The following ITGA4 variants were observed in gnomAD, a reference collection of about 807,000 sequenced individuals.
ITGA4 encodes integrin subunit alpha 4.
In ITGA4, 63 loss-of-function variants were observed where a neutral mutation model predicts 133.6. That is an observed-to-expected ratio of 0.47 (90% CI 0.38 to 0.58). The LOEUF (loss-of-function observed/expected upper bound fraction) is 0.58, where lower values mean the gene tolerates loss of function less well. Among genes scored for constraint, ITGA4 ranks in the 20% least tolerant of loss-of-function variants. ITGA4 has a pLI of 0.00. For synonymous variants in ITGA4, 483 were observed against 438.0 expected (o/e 1.10, Z -1.28); for missense variants, 1,076 against 1,252.7 (o/e 0.86, Z 2.13).
chr2:181,480,453 A>C (rs986607291), intron 6 of ITGA4, among the ~76,000 whole-genome samples, 187 bp downstream of exon 6: 1 of 152,116 alleles, frequency 6.6e-6, no homozygotes, highest in African/African-American at 2.4e-5. Context: ...AGTATTTTAC[A>C]TTTACACATG....
At position 181,523,255 on chromosome 2, in the gene ITGA4, C is replaced by A; in HGVS notation, c.2074-182C>A. ...ACATATATATACACATACATATATA[C>A]ACACATGCACACATATTTATATCAT... On this transcript the variant is annotated intron_variant, in intron 18 of 27. Coordinates refer to ENST00000397033, the MANE Select transcript of ITGA4 (RefSeq NM_000885.6). The surrounding 1 kb of genome is among the most constrained non-coding windows in gnomAD (Gnocchi z 4.2). 1 of 502,110 alleles carries A rather than the reference C, an allele frequency of 2.0e-6. No homozygotes were observed. 31.1% of individuals were successfully genotyped at this position (502,110 alleles called of 1,614,324 possible).
chr2:181,525,330 G>T, intron 21 of ITGA4, 39 bp downstream of exon 21: 1 of 1,079,154 alleles, frequency 9.3e-7, no homozygotes, highest in South Asian at 1.4e-5. Flanking sequence ...ATTTAGAGCT[G>T]ATTTACAGTT....
Position 181,536,764 on chromosome 2 carries a change from ATAC to A in ITGA4, c.*1238_*1240del. 4.0e-6 allele frequency: 1 copy of A among 248,636 alleles called. No homozygotes were observed. The highest frequency in any genetic ancestry group is 8.1e-6 in the Non-Finnish European group (1 of 123,710). 15.4% of individuals were successfully genotyped at this position (248,636 alleles called of 1,614,324 possible). On this transcript the variant is annotated 3_prime_UTR_variant, in exon 28 of 28. Transcript: ENST00000397033. ...TCTGGATTTTAAAAAATTTCTTTAAATACAATCATTTTTGTAATATTTATTTTA... is the reference window on the plus strand; with the variant it reads ...TCTGGATTTTAAAAAATTTCTTTAAAAATCATTTTTGTAATATTTATTTTA...
chr2:181,468,143 G>A (rs368040664), intron 2 of ITGA4, among the ~76,000 whole-genome samples: 5 of 152,130 alleles, frequency 3.3e-5, no homozygotes, highest in African/African-American at 1.2e-4. Flanking sequence ...AGAAACCCTC[G>A]GAGATAGGCA....
chr2:181,535,595 G>T lies in ITGA4; in HGVS notation c.*68G>T. 6.6e-7 allele frequency: 1 copy of T among 1,504,518 alleles called. No individual in the cohort carries two copies. The highest frequency in any genetic ancestry group is 8.9e-7 in the Non-Finnish European group (1 of 1,127,354). 93.2% of individuals were successfully genotyped at this position (1,504,518 alleles called of 1,614,324 possible). A position where few individuals can be genotyped will look rare whatever the true frequency, so the allele number is the denominator to read the frequency against. ...GTAGTAAAGAAATTTAAAAGACACT[G>T]TTTACAAGAAAAAATGAATTTTGTT... On this transcript the variant is annotated 3_prime_UTR_variant, in exon 28 of 28. Transcript: ENST00000397033.
chr2:181,461,175 A>G (rs971427986), intron 2 of ITGA4, among the ~76,000 whole-genome samples: 1 of 148,374 alleles, frequency 6.7e-6, no homozygotes, highest in Admixed American at 6.8e-5. Context: ...TATTCATGCC[A>G]TAAGCAGAAG....
intron 2 of ITGA4, among the ~76,000 whole-genome samples, chr2:181,471,775 G>A (rs1685557980): frequency 1.3e-5 from 2 of 152,054 alleles, no homozygotes; most frequent in African/African-American, 4.8e-5. Flanking sequence ...CCACATCACT[G>A]GCTTCCTGGG....
chr2:181,529,774 C>G (rs1033219053), intron 23 of ITGA4, 126 bp downstream of exon 23: 7 of 579,528 alleles, frequency 1.2e-5, no homozygotes, highest in Middle Eastern at 3.2e-4. Flanking sequence ...CAGTCACACT[C>G]TAAGCTATGA....
chr2:181,481,526 G>A (rs1156331168), intron 6 of ITGA4, 72 bp from the exon 7 acceptor site: 12 of 633,892 alleles, frequency 1.9e-5, no homozygotes. Context: ...TTAATTTTAT[G>A]ATCTATTTTA....
chr2:181,458,802 C>T (rs1347320286), intron 2 of ITGA4: 1 of 157,314 alleles, frequency 6.4e-6, no homozygotes, highest in East Asian at 1.8e-4. Context: ...GATAGTTTTA[C>T]TTACAATATA....
rs928954386 is a variant in ITGA4, at chr2:181,538,896, A to C, written c.*3369A>C. On this transcript the variant is annotated 3_prime_UTR_variant, in exon 28 of 28. Coordinates refer to ENST00000397033, the MANE Select transcript of ITGA4 (RefSeq NM_000885.6). ...TAACCAAAGAAAATGCCTTGGGTCT[A>C]CATAACAGTTGAATAAATGTAAAGT... Among the ~76,000 whole-genome samples the C allele has an allele frequency of 6.6e-6, 1 of 152,222 alleles. No homozygotes were observed. The highest frequency in any genetic ancestry group is 2.4e-5 in the African/African-American group (1 of 41,472).
intron 20 of ITGA4, 96 bp from the exon 21 acceptor site, chr2:181,525,106 C>A: frequency 1.6e-6 from 1 of 639,034 alleles, no homozygotes; most frequent in Non-Finnish European, 2.7e-6. Flanking sequence ...TTTAAGCAAA[C>A]CTCTGAGTAT....
Position 181,535,589 on chromosome 2 carries a change from G to A in ITGA4, c.*62G>A. On this transcript the variant is annotated 3_prime_UTR_variant, in exon 28 of 28. Transcript: ENST00000397033. ...CAGGTTGTAGTAAAGAAATTTAAAA[G>A]ACACTGTTTACAAGAAAAAATGAAT... 2.0e-6 allele frequency: 3 copies of A among 1,528,784 alleles called. No individual in the cohort carries two copies. The highest frequency in any genetic ancestry group is 2.6e-6 in the Non-Finnish European group (3 of 1,140,844). The allele number at this position is 1,528,784 out of a possible 1,614,324, so 94.7% of individuals were successfully genotyped here. A position where few individuals can be genotyped will look rare whatever the true frequency, so the allele number is the denominator to read the frequency against.
At chr2:181,511,218 A>C (rs979155901) in intron 16 of ITGA4, among the ~76,000 whole-genome samples, 1 of 151,638 alleles carries the variant, frequency 6.6e-6, no homozygotes, top group African/African-American at 2.4e-5. Context: ...TACTTATTTA[A>C]TTTTGTTCAA....
At chr2:181,509,898 C>A in intron 16 of ITGA4, 91 bp downstream of exon 16, 4 of 909,506 alleles carry the variant, frequency 4.4e-6, no homozygotes, top group South Asian at 1.7e-5. Context: ...AACTATATGT[C>A]GGAATTTTTA....
rs766078656 is a variant in ITGA4 at position 181,458,208 on chromosome 2, T to G, written c.210T>G (p.Gly70=). 8.1e-6 allele frequency: 13 copies of G among 1,613,832 alleles called. No homozygotes were observed. Among genetic ancestry groups the G allele is most frequent in the South Asian group, 1.1e-5 (1 of 91,042 alleles). The change falls in exon 2 of 28, where the codon GGT becomes GGG. Residue 70 remains glycine (G), a synonymous_variant. Coordinates refer to ENST00000397033, the MANE Select transcript of ITGA4 (RefSeq NM_000885.6). ...SHGANRWLLV[G]APTANWLANA... ...TGTCTCGCTTTAGGCTCCTAGTGGG[T>G]GCGCCCACTGCCAACTGGCTCGCCA...
At chr2:181,471,075 A>G (rs1239733828) in intron 2 of ITGA4, among the ~76,000 whole-genome samples, 1 of 152,170 alleles carries the variant, frequency 6.6e-6, no homozygotes, top group South Asian at 2.1e-4. Flanking sequence ...TAAATGTAGT[A>G]TATGTATTTG....
In ITGA4 at chr2:181,537,718, G is replaced by T. The variant is rs1211179783; in HGVS notation, c.*2191G>T. The T allele has an allele frequency of 1.9e-5, 8 of 425,778 alleles. No individual in the cohort carries two copies. Among genetic ancestry groups the T allele is most frequent in the African/African-American group, 1.0e-4 (5 of 48,290 alleles). 26.4% of individuals were successfully genotyped at this position (425,778 alleles called of 1,614,324 possible). ...ATTATGATGGTTGCAAAGTTTTTTT[G>T]TGTGTCCAATAAACACATTGTAAAA... On this transcript the variant is annotated 3_prime_UTR_variant, in exon 28 of 28. Transcript: ENST00000397033.
At chr2:181,462,449 A>C (rs1685307964) in intron 2 of ITGA4, among the ~76,000 whole-genome samples, 1 of 152,208 alleles carries the variant, frequency 6.6e-6, no homozygotes, top group South Asian at 2.1e-4. Flanking sequence ...GATTCATAGG[A>C]GTTATTAGCT....
Sources: gnomAD v4.1 joint callset for allele counts (sites outside exome capture counted in the v4.1 genomes callset) on GRCh38, gnomAD v4.1.1 for gene constraint, Gnocchi (gnomAD v3.1) non-coding constraint, MANE v1.5 for transcripts, NCBI Gene and HGNC (gene_info 2026-07-23, HGNC 2026-07-21) for gene names.